The following UBE3A variants were observed in gnomAD, a reference collection of about 807,000 sequenced individuals.
UBE3A encodes the protein ubiquitin-protein ligase E3A.
Under a neutral mutation model 83.4 loss-of-function variants are expected in UBE3A, and 6 were observed. The observed-to-expected ratio is 0.07, with a 90% CI of 0.04 to 0.14. The LOEUF is 0.14. Ranked by LOEUF, UBE3A falls within the 10% of genes least tolerant of loss-of-function variation. UBE3A has a pLI of 1.00. For synonymous variants in UBE3A, 337 were observed against 355.4 expected (o/e 0.95, Z 0.58); for missense variants, 456 against 1,036.1 (o/e 0.44, Z 7.69).
intron 5 of UBE3A, among the ~76,000 whole-genome samples, chr15:25,372,923 C>A (rs904248776): frequency 3.2e-4 from 49 of 152,112 alleles, no homozygotes; most frequent in East Asian, 5.8e-4. Context: ...CAATGAAAGA[C>A]AATATAAAAT....
Position 25,409,115 on chromosome 15 carries a change from C to T in UBE3A, c.-8G>A. 1.3e-6 allele frequency: 2 copies of T among 1,595,612 alleles called. No individual in the cohort carries two copies. The highest frequency in any genetic ancestry group is 1.7e-6 in the Non-Finnish European group (2 of 1,170,262). On this transcript the variant is annotated 5_prime_UTR_variant, in exon 3 of 13. An upstream start codon of the reference 5' UTR is lost. Coordinates refer to ENST00000648336, the MANE Select transcript of UBE3A (RefSeq NM_130839.5). ...TTTACAAGCTGTGGCCATTCGGTGA[C>T]ATCAGGGTGATCACAGCTTTGAGTC...
intron 6 of UBE3A, among the ~76,000 whole-genome samples, chr15:25,360,870 T>C (rs1377151617): frequency 6.6e-6 from 1 of 152,150 alleles, no homozygotes; most frequent in Admixed American, 6.5e-5. Context: ...GCAAAAACAA[T>C]GGAGTAGAGG....
At chr15:25,373,962 T>A (rs2080751714) in intron 5 of UBE3A, 1 of 152,144 alleles carries the variant, frequency 6.6e-6, no homozygotes, top group Non-Finnish European at 1.5e-5. Flanking sequence ...TCTTTTAAAT[T>A]TTGCACTTAA....
At chr15:25,407,687 A>G (rs562924688) in intron 3 of UBE3A, 3 of 152,256 alleles carry the variant, frequency 2.0e-5, no homozygotes, top group Admixed American at 6.5e-5. Flanking sequence ...ATAGAAGAAG[A>G]AGGATTGAAA....
At chr15:25,390,426 A>C (rs963292933) in intron 4 of UBE3A, among the ~76,000 whole-genome samples, 3 of 152,342 alleles carry the variant, frequency 2.0e-5, no homozygotes, top group African/African-American at 4.8e-5. Context: ...ATTCATTCAC[A>C]AACTGTGATA....
chr15:25,405,404 A>T lies in UBE3A; in HGVS notation c.62+57T>A, dbSNP rs369147860. ...ATTTCCAAATAATGTGACGTAATTT[A>T]AAGCAGTCTAGGGCAACTCAAAATA... On this transcript the variant is annotated intron_variant, in intron 4 of 12. Coordinates refer to ENST00000648336, the MANE Select transcript of UBE3A (RefSeq NM_130839.5). 4.5e-6 allele frequency: 7 copies of T among 1,551,552 alleles called. No individual in the cohort carries two copies. The African/African-American group carries it at 9.5e-5, about 21-fold the overall frequency.
chr15:25,399,698 A>C (rs936076548), intron 4 of UBE3A, among the ~76,000 whole-genome samples: 6 of 151,842 alleles, frequency 4.0e-5, no homozygotes, highest in African/African-American at 1.5e-4. Flanking sequence ...CCTCTCGGGT[A>C]GCTAGGACTA....
At position 25,370,849 on chromosome 15, in the gene UBE3A, G is replaced by A. The variant is rs2152820660; in HGVS notation, c.1325C>T (p.Pro442Leu). 2 of 1,613,968 alleles carry A rather than the reference G, an allele frequency of 1.2e-6. No individual in the cohort carries two copies. Among genetic ancestry groups the A allele is most frequent in the Non-Finnish European group, 1.7e-6 (2 of 1,179,976 alleles). The change falls in exon 6 of 13, where the codon CCT (proline) becomes CTT (leucine). Residue 442 changes from proline to leucine, a missense_variant. Around this residue, in one of 13 missense-constraint regions of UBE3A, gnomAD observed 85 missense variants for 137.0 expected, o/e 0.62. Transcript: ENST00000648336. The surrounding 1 kb of genome is among the most constrained non-coding windows in gnomAD (Gnocchi z 4.2). The stretch of plus-strand genomic sequence containing the variant: ...TGGTTCATTAATAAACTCTTCAAAA[G>A]GGATAAGTGGTTTTCGACAATCCAG... Reference protein sequence around the residue: ...KTLDCRKPLIPFEEFINEPLN... With the variant: ...KTLDCRKPLILFEEFINEPLN...
At chr15:25,373,633 C>T (rs947173654) in intron 5 of UBE3A, 1 of 152,088 alleles carries the variant, frequency 6.6e-6, no homozygotes, top group Non-Finnish European at 1.5e-5. Context: ...CACGCCACCA[C>T]AACTGGCTAA....
intron 4 of UBE3A, among the ~76,000 whole-genome samples, chr15:25,403,805 T>G (rs1024204069): frequency 1.3e-5 from 2 of 152,128 alleles, no homozygotes; most frequent in African/African-American, 4.8e-5. Flanking sequence ...ATGCTAAAGA[T>G]GGATGAAACT....
intron 6 of UBE3A, among the ~76,000 whole-genome samples, chr15:25,366,737 T>C (rs1158551381): frequency 6.6e-6 from 1 of 151,978 alleles, no homozygotes; most frequent in Non-Finnish European, 1.5e-5. Flanking sequence ...AAAATGGCCT[T>C]TCTCTTTCTC....
chr15:25,363,165 C>A (rs1287204136), intron 6 of UBE3A, among the ~76,000 whole-genome samples: 1 of 152,142 alleles, frequency 6.6e-6, no homozygotes, highest in Non-Finnish European at 1.5e-5. Context: ...CTATGCTCCC[C>A]ACCTTGGTGC....
intron 4 of UBE3A, among the ~76,000 whole-genome samples, chr15:25,390,308 C>A (rs1391218786): frequency 2.6e-5 from 4 of 152,132 alleles, no homozygotes; most frequent in African/African-American, 9.7e-5. Flanking sequence ...TACAGAAAGT[C>A]GCTGAAAACC....
chr15:25,383,645 A>G (rs2082586539), intron 4 of UBE3A, among the ~76,000 whole-genome samples: 1 of 152,166 alleles, frequency 6.6e-6, no homozygotes, highest in Non-Finnish European at 1.5e-5. Flanking sequence ...GTCTCAAAAA[A>G]ACAAAAACAA....
chr15:25,393,158 G>C lies in UBE3A; in HGVS notation c.62+12303C>G, dbSNP rs146211550. The stretch of plus-strand genomic sequence containing the variant: ...CAGTTAGGTAATGACTACTGTAATA[G>C]TCCGGACAAATAATGTAGCAGTAGG... On this transcript the variant is annotated intron_variant, in intron 4 of 12. Coordinates refer to ENST00000648336, the MANE Select transcript of UBE3A (RefSeq NM_130839.5). Among the ~76,000 whole-genome samples, 77 of 152,052 alleles carry C rather than the reference G, an allele frequency of 5.1e-4. 3 individuals are homozygous for C. The highest frequency in any genetic ancestry group is 1.5e-3 in the African/African-American group (63 of 41,444).
Position 25,375,780 on chromosome 15 carries a change from A to G in UBE3A, c.63-17T>C. On this transcript the variant is annotated splice_polypyrimidine_tract_variant and intron_variant, in intron 4 of 12. Transcript: ENST00000648336. Reference sequence around the variant, plus strand: ...GCTCGCTTCCTGTACCAAACATTCAAACAATAAGCACAGTGATTAGTACAG... The same window carrying G: ...GCTCGCTTCCTGTACCAAACATTCAGACAATAAGCACAGTGATTAGTACAG... The G allele has an allele frequency of 1.9e-6, 3 of 1,605,494 alleles. No homozygotes were observed. The highest frequency in any genetic ancestry group is 2.5e-6 in the Non-Finnish European group (3 of 1,179,964).
At chr15:25,356,318 G>A (rs367609707) in intron 8 of UBE3A, among the ~76,000 whole-genome samples, 277 of 151,692 alleles carry the variant, frequency 1.8e-3, no homozygotes, top group Non-Finnish European at 3.2e-3. Context: ...GAGAAATTCT[G>A]TGGTGTCTCA....
At chr15:25,341,783 CAAAAAAAAAA>C (rs60827150) in intron 11 of UBE3A, among the ~76,000 whole-genome samples, 4 of 81,652 alleles carry the variant, frequency 4.9e-5, no homozygotes, top group Admixed American at 1.4e-4. Flanking sequence ...AATTTCATCT[CAAAAAAAAAA>C]AAAAAAAAAA....
Position 25,333,913 on chromosome 15 carries a change from TAA to T in UBE3A, c.*5222_*5223del, listed in dbSNP as rs1411395231. The T allele has an allele frequency of 1.3e-5, 2 of 151,210 alleles. No individual in the cohort carries two copies. Among genetic ancestry groups the T allele is most frequent in the Non-Finnish European group, 2.9e-5 (2 of 67,836 alleles). 9.4% of individuals were successfully genotyped at this position (151,210 alleles called of 1,614,324 possible). On this transcript the variant is annotated 3_prime_UTR_variant, in exon 13 of 13. Coordinates refer to ENST00000648336, the MANE Select transcript of UBE3A (RefSeq NM_130839.5). ...AGCCCCTCCTTTTTTTTTTTTTGAT[TAA>T]AAAACACTCAGTAAACTAGGTTTAA...
Sources: gnomAD v4.1 joint callset for allele counts (sites outside exome capture counted in the v4.1 genomes callset) on GRCh38, gnomAD v4.1.1 for gene constraint, gnomAD v4.1.1 regional missense constraint, Gnocchi (gnomAD v3.1) non-coding constraint, MANE v1.5 for transcripts, NCBI Gene and HGNC (gene_info 2026-07-23, HGNC 2026-07-21) for gene names.